Variants in OXR1 observed in about 807,000 individuals in gnomAD.
The protein encoded by OXR1 is oxidation resistance 1, also known as oxidation resistance protein 1.
A neutral mutation model predicts 104.6 loss-of-function variants in OXR1; 41 were observed. The ratio of observed to expected loss-of-function variants is 0.39; its 90% CI spans 0.31 to 0.51. OXR1 has a LOEUF of 0.51. OXR1 is among the 20% of genes least tolerant of loss of function. The pLI is 0.77. For missense variants in OXR1, 955 were observed against 1,031.9 expected (o/e 0.93, Z 1.02); for synonymous variants, 348 against 348.4 (o/e 1.00, Z 0.01).
chr8:106,678,325 A>G (rs963108647), intron 3 of OXR1, among the ~76,000 whole-genome samples: 3 of 152,080 alleles, frequency 2.0e-5, no homozygotes, highest in Admixed American at 6.6e-5. Context: ...TCTAGATTAT[A>G]TGGTCTTAGG....
intron 1 of OXR1, among the ~76,000 whole-genome samples, chr8:106,286,032 C>T (rs1329624669): frequency 6.6e-6 from 1 of 150,500 alleles, no homozygotes; most frequent in Non-Finnish European, 1.5e-5. Context: ...AAATAACTCT[C>T]ACCTCTAGTC....
At chr8:106,423,947 G>GT (rs1037021941) in intron 2 of OXR1, among the ~76,000 whole-genome samples, 2 of 151,894 alleles carry the variant, frequency 1.3e-5, no homozygotes, top group Non-Finnish European at 2.9e-5. Context: ...GTTTGTTTTT[G>GT]TTTTTTTGAG....
chr8:106,556,707 A>G (rs977979856), intron 3 of OXR1, among the ~76,000 whole-genome samples: 4 of 152,160 alleles, frequency 2.6e-5, no homozygotes, highest in African/African-American at 9.6e-5. Flanking sequence ...ACTCCAGCAA[A>G]AGCTGATCAG....
At chr8:106,406,118 C>G (rs1337568906) in intron 2 of OXR1, among the ~76,000 whole-genome samples, 1 of 152,094 alleles carries the variant, frequency 6.6e-6, no homozygotes, top group Non-Finnish European at 1.5e-5. Context: ...GTATCTTACC[C>G]CGACCTAATC....
intron 3 of OXR1, among the ~76,000 whole-genome samples, chr8:106,594,831 A>C (rs1348131772): frequency 6.6e-6 from 1 of 152,180 alleles, no homozygotes; most frequent in Non-Finnish European, 1.5e-5. Flanking sequence ...CAGTATTTAC[A>C]CAATGCCCCT....
At chr8:106,303,248 CTT>C (rs1164596413) in intron 1 of OXR1, among the ~76,000 whole-genome samples, 17,426 of 91,016 alleles carry the variant, frequency 0.19, 1,150 homozygotes, top group African/African-American at 0.38. Flanking sequence ...TTTTTTCTTT[CTT>C]TTTTTTTTTT....
At chr8:106,683,147 T>A (rs1232398953) in intron 4 of OXR1, 52 bp from the exon 5 acceptor site, 1 of 858,646 alleles carries the variant, frequency 1.2e-6, no homozygotes, top group Non-Finnish European at 1.9e-6. Context: ...AATATTATAG[T>A]TTAGTTTTTC....
At chr8:106,620,623 T>A (rs1318218770) in intron 3 of OXR1, among the ~76,000 whole-genome samples, 2 of 152,206 alleles carry the variant, frequency 1.3e-5, no homozygotes, top group Non-Finnish European at 2.9e-5. Context: ...ATTACCAATA[T>A]TCAACTGTAA....
intron 2 of OXR1, among the ~76,000 whole-genome samples, chr8:106,408,946 C>T (rs1022461959): frequency 1.1e-4 from 16 of 152,078 alleles, no homozygotes; most frequent in East Asian, 1.9e-4. Context: ...GTCAGGCACG[C>T]GGATGATCAA....
At chr8:106,480,773 T>C (rs765897321) in intron 2 of OXR1, among the ~76,000 whole-genome samples, 1 of 151,934 alleles carries the variant, frequency 6.6e-6, no homozygotes, top group Non-Finnish European at 1.5e-5. Flanking sequence ...AAATTCCTCA[T>C]AGAAATAAAA....
At chr8:106,447,835 AT>A in intron 2 of OXR1, 1 of 1,372,256 alleles carries the variant, frequency 7.3e-7, no homozygotes, top group Non-Finnish European at 9.5e-7. Flanking sequence ...GCTGTGTGGG[AT>A]TTGGGTCTCT....
At chr8:106,606,748 C>T (rs1467532999) in intron 3 of OXR1, among the ~76,000 whole-genome samples, 1 of 152,152 alleles carries the variant, frequency 6.6e-6, no homozygotes, top group East Asian at 1.9e-4. Flanking sequence ...ATTCCATCTG[C>T]GTCCTTAATT....
chr8:106,351,811 T>G (rs1245603328), intron 1 of OXR1, among the ~76,000 whole-genome samples: 5 of 152,214 alleles, frequency 3.3e-5, no homozygotes, highest in Non-Finnish European at 7.3e-5. Flanking sequence ...ACTCACTATG[T>G]GGCAGGCAAT....
intron 3 of OXR1, among the ~76,000 whole-genome samples, chr8:106,554,938 A>C (rs1478106400): frequency 6.6e-6 from 1 of 152,200 alleles, no homozygotes; most frequent in Non-Finnish European, 1.5e-5. Context: ...TAAAGTATAC[A>C]ACAGGATATC....
At chr8:106,403,497 T>C (rs1219087629) in intron 2 of OXR1, among the ~76,000 whole-genome samples, 1 of 152,370 alleles carries the variant, frequency 6.6e-6, no homozygotes, top group East Asian at 1.9e-4. Flanking sequence ...TCAAGAATGA[T>C]GGGGCCTCCC....
Position 106,679,308 on chromosome 8 carries a change from T to C in OXR1, c.303+16T>C, listed in dbSNP as rs527308054. The C allele has an allele frequency of 3.4e-5, 47 of 1,380,484 alleles. No homozygotes were observed. The Middle Eastern group carries it at 9.1e-4, about 27-fold the overall frequency. 85.5% of individuals were successfully genotyped at this position (1,380,484 alleles called of 1,614,324 possible). On this transcript the variant is annotated intron_variant, in intron 4 of 16. Transcript: ENST00000517566. The stretch of plus-strand genomic sequence containing the variant: ...TGAGTATACTGTAAGTTATTTGCTT[T>C]CGAAAAAGCTATTTTTCTTTGTAAG...
At chr8:106,337,645 G>C (rs1815020151) in intron 1 of OXR1, among the ~76,000 whole-genome samples, 1 of 152,276 alleles carries the variant, frequency 6.6e-6, no homozygotes, top group Non-Finnish European at 1.5e-5. Flanking sequence ...TTGTCAGAAT[G>C]TGTTATATGT....
At chr8:106,596,313 G>C (rs1001816756) in intron 3 of OXR1, among the ~76,000 whole-genome samples, 5 of 152,086 alleles carry the variant, frequency 3.3e-5, no homozygotes, top group African/African-American at 1.2e-4. Flanking sequence ...GGGCATGGTG[G>C]TGTGTGTCTG....
chr8:106,732,682 A>G (rs1469914219), intron 11 of OXR1, among the ~76,000 whole-genome samples: 1 of 152,118 alleles, frequency 6.6e-6, no homozygotes, highest in East Asian at 1.9e-4. Context: ...AGATTACATC[A>G]ATTGATTTTC....
Sources: gnomAD v4.1 joint callset for allele counts (sites outside exome capture counted in the v4.1 genomes callset) on GRCh38, gnomAD v4.1.1 for gene constraint, MANE v1.5 for transcripts, NCBI Gene and HGNC (gene_info 2026-07-23, HGNC 2026-07-21) for gene names.